AFM: variants seen among roughly 807,000 people sequenced by gnomAD.
AFM encodes afamin, also known as alpha-Alb.
Under a neutral mutation model 68.7 loss-of-function variants are expected in AFM, and 82 were observed. That is an observed-to-expected ratio of 1.19 (90% CI 1.00 to 1.43). The LOEUF (loss-of-function observed/expected upper bound fraction) is 1.43. Among genes scored for constraint, AFM ranks in the 40% most tolerant of loss-of-function variants. AFM has a pLI of 0.00. For synonymous variants in AFM, 250 were observed against 234.2 expected, an observed-to-expected ratio of 1.07 and a Z score of -0.61; for missense variants, 772 against 701.8, an observed-to-expected ratio of 1.10 and a Z score of -1.13.
rs1553893982 is a variant in AFM at position 73,484,470 on chromosome 4, C to CTTTCTTTCTT, written c.270+82_270+91dup. 1.1e-4 allele frequency: 59 copies of CTTTCTTTCTT among 551,450 alleles called. 1 individual carries two copies. The highest frequency in any genetic ancestry group is 1.3e-4 in the Non-Finnish European group (45 of 337,230). The allele number at this position is 551,450 out of a possible 1,614,324, so 34.2% of individuals were successfully genotyped here. A position where few individuals can be genotyped will look rare whatever the true frequency, so the allele number is the denominator to read the frequency against. ...TCTTTCTTTCTTTCTTTCTTTCTTT[C>CTTTCTTTCTT]TTTCTTTCTTTCTTTCTTTCTTTCT... On this transcript the variant is annotated intron_variant, in intron 3 of 14. Transcript: ENST00000226355.
Position 73,497,697 on chromosome 4 carries a change from C to T in AFM, c.1237C>T (p.Gln413Ter), listed in dbSNP as rs200249560. 6.2e-6 allele frequency: 10 copies of T among 1,610,126 alleles called. No individual in the cohort carries two copies. The highest frequency in any genetic ancestry group is 1.3e-5 in the African/African-American group (1 of 74,718). The change falls in exon 10 of 15, where the codon CAA (glutamine) becomes TAA (stop). Residue 413 changes from glutamine to a stop codon, truncating the protein, a stop_gained. Transcript: ENST00000226355. LOFTEE classifies it high-confidence loss of function. ...AACTGAGAAAAGCCTCAAGATGGTA[C>T]AACAAGAATGTAAACATTTCCAGAA... ...ETTEKSLKMV[Q>*]QECKHFQNLG... is the part of the protein sequence containing the mutation.
chr4:73,483,419 A>G (rs76825595), intron 1 of AFM, among the ~76,000 whole-genome samples: 1,898 of 152,358 alleles, frequency 0.012, 26 homozygotes, highest in African/African-American at 0.042. Context: ...ATGTGAACAA[A>G]CATAAATATG....
chr4:73,484,541 C>CTT (rs543881660), intron 3 of AFM, 151 bp downstream of exon 3: 89 of 670,794 alleles, frequency 1.3e-4, no homozygotes, highest in Non-Finnish European at 1.6e-4. Flanking sequence ...TTCTTTCCTT[C>CTT]TTTTTTTTTT....
At chr4:73,495,802 T>A (rs537094303) in intron 9 of AFM, among the ~76,000 whole-genome samples, 1 of 152,354 alleles carries the variant, frequency 6.6e-6, no homozygotes, top group South Asian at 2.1e-4. Context: ...CCATATTGGA[T>A]TCTTTATGGT....
At position 73,487,710 on chromosome 4, in the gene AFM, T is replaced by C; in HGVS notation, c.616-14T>C. The C allele has an allele frequency of 6.5e-7, 1 of 1,547,004 alleles. No individual in the cohort carries two copies. Among genetic ancestry groups the C allele is most frequent in the Non-Finnish European group, 8.9e-7 (1 of 1,124,432 alleles). ...TTGCTATTGTTTCAAAAGAATTTTC[T>C]CTTTCTTCTTCAGGCAATACCTGTC... On this transcript the variant is annotated splice_polypyrimidine_tract_variant and intron_variant, in intron 5 of 14. Coordinates refer to ENST00000226355, the MANE Select transcript of AFM (RefSeq NM_001133.2).
rs1316273811 is a variant in AFM at position 73,487,797 on chromosome 4, T to A, written c.689T>A (p.Phe230Tyr). ...CATGTCTGTGGGGCACTTTTGAAATTTGGAACCAAAGTTGTACACTTTATG... is the reference window on the plus strand; with the variant it reads ...CATGTCTGTGGGGCACTTTTGAAATATGGAACCAAAGTTGTACACTTTATG... ...QKHVCGALLK[F>Y]GTKVVHFIYI... Residue 230 changes from phenylalanine to tyrosine, a missense_variant, in exon 6 of 15, where the codon TTT becomes TAT. Coordinates refer to ENST00000226355, the MANE Select transcript of AFM (RefSeq NM_001133.2). The A allele has an allele frequency of 6.6e-5, 106 of 1,610,588 alleles. No individual in the cohort carries two copies. Among genetic ancestry groups the A allele is most frequent in the Non-Finnish European group, 8.0e-5 (94 of 1,177,108 alleles).
intron 14 of AFM, 105 bp downstream of exon 14, chr4:73,503,215 A>G (rs1721466514): frequency 5.7e-6 from 5 of 876,486 alleles, no homozygotes; most frequent in Non-Finnish European, 7.3e-6. Context: ...TTCATCCTAC[A>G]TGAACAAGAA....
In AFM at chr4:73,495,281, A is replaced by T. The variant is rs754174275; in HGVS notation, c.1059-19A>T. ...GCTCTTTCTCTAATTTCTAATATAC[A>T]AAATTTTACACATTGCAGGTTTACT... is the stretch of plus-strand genomic sequence containing the variant. On this transcript the variant is annotated intron_variant, in intron 8 of 14. Transcript: ENST00000226355. 4 of 1,560,256 alleles carry T rather than the reference A, an allele frequency of 2.6e-6. No homozygotes were observed. In the South Asian group the frequency reaches 4.9e-5, roughly 19 times the overall value.
intron 8 of AFM, among the ~76,000 whole-genome samples, chr4:73,493,914 C>G (rs1430217022): frequency 1.3e-5 from 2 of 152,092 alleles, no homozygotes; most frequent in South Asian, 4.1e-4. Flanking sequence ...GATAGAGTAA[C>G]AGTGAGCACA....
intron 7 of AFM, among the ~76,000 whole-genome samples, chr4:73,490,105 C>T (rs1176475945): frequency 6.6e-6 from 1 of 150,744 alleles, no homozygotes; most frequent in Admixed American, 6.6e-5. Flanking sequence ...AGGAGGGAGG[C>T]TTGCTTGAGT....
At chr4:73,484,467 T>C in intron 3 of AFM, 77 bp downstream of exon 3, 1 of 537,332 alleles carries the variant, frequency 1.9e-6, no homozygotes, top group African/African-American at 2.1e-5. Flanking sequence ...TCTTTCTTTC[T>C]TTCTTTCTTT....
At chr4:73,498,989 G>A (rs764986954) in intron 10 of AFM, 125 bp from the exon 11 acceptor site, 109 of 883,650 alleles carry the variant, frequency 1.2e-4, no homozygotes, top group Non-Finnish European at 1.6e-4. Context: ...TTATGAGAGA[G>A]CTAAGGTTCA....
chr4:73,484,042 G>C (rs944610159), intron 2 of AFM, 53 bp downstream of exon 2: 1 of 1,455,162 alleles, frequency 6.9e-7, no homozygotes, highest in Non-Finnish European at 9.3e-7. Context: ...ATATATTCTA[G>C]AAATGTTAAT....
intron 7 of AFM, among the ~76,000 whole-genome samples, chr4:73,491,367 T>C (rs1274946158): frequency 6.6e-6 from 1 of 152,228 alleles, no homozygotes; most frequent in Non-Finnish European, 1.5e-5. Flanking sequence ...CTTCTTATAT[T>C]TGATGAATCG....
intron 9 of AFM, 58 bp from the exon 10 acceptor site, chr4:73,497,594 A>G: frequency 8.5e-7 from 1 of 1,171,870 alleles, no homozygotes; most frequent in South Asian, 1.4e-5. Context: ...CATTGATGTA[A>G]AGCTTATGGT....
chr4:73,501,974 T>C lies in AFM; in HGVS notation c.1779+55T>C, dbSNP rs1189763399. The C allele has an allele frequency of 1.9e-6, 3 of 1,590,274 alleles. No individual in the cohort carries two copies. The East Asian group carries it at 6.7e-5, about 36-fold the overall frequency. On this transcript the variant is annotated intron_variant, in intron 13 of 14. Coordinates refer to ENST00000226355, the MANE Select transcript of AFM (RefSeq NM_001133.2). ...AACTGGTTTTCCTGGTCAAATAAAA[T>C]AAAACAGAACCCTGCAGGACACTGC...
chr4:73,485,925 C>T lies in AFM; in HGVS notation c.334C>T (p.His112Tyr). The T allele has an allele frequency of 6.2e-7, 1 of 1,614,120 alleles. No homozygotes were observed. The highest frequency in any genetic ancestry group is 8.5e-7 in the Non-Finnish European group (1 of 1,179,990). Residue 112 changes from histidine (H) to tyrosine (Y), a missense_variant, in exon 4 of 15, where the codon CAC becomes TAC. Transcript: ENST00000226355. ...GCTGCCACAAAAGCATAATTTCTCA[C>T]ACTGCTGCAGTAAGGTTGATGCTCA... ...EGLPQKHNFSHCCSKVDAQRR... is the reference protein window; with the variant it reads ...EGLPQKHNFSYCCSKVDAQRR...
At chr4:73,482,993 C>T (rs1007009328) in intron 1 of AFM, among the ~76,000 whole-genome samples, 1 of 152,140 alleles carries the variant, frequency 6.6e-6, no homozygotes, top group African/African-American at 2.4e-5. Context: ...ATAATCTGGG[C>T]CCAGGTTCTT....
chr4:73,497,777 A>G (rs1282399514), intron 10 of AFM, 28 bp downstream of exon 10: 5 of 1,402,538 alleles, frequency 3.6e-6, no homozygotes, highest in South Asian at 1.3e-5. Context: ...GTGGGCTAAC[A>G]CTTGCCACTA....
Sources: allele counts gnomAD v4.1 joint callset (sites outside exome capture counted in the v4.1 genomes callset), GRCh38; gene constraint gnomAD v4.1.1; transcripts MANE v1.5; gene names NCBI Gene and HGNC (gene_info 2026-07-23, HGNC 2026-07-21).